The following RYR2 variants were observed in gnomAD, a reference collection of about 807,000 sequenced individuals.
RYR2 encodes ryanodine receptor 2.
A neutral mutation model predicts 601.1 loss-of-function variants in RYR2; 227 were observed. That is an observed-to-expected ratio of 0.38 (90% CI 0.34 to 0.42). The LOEUF (loss-of-function observed/expected upper bound fraction) is 0.42, where lower values mean the gene tolerates loss of function less well. RYR2 is among the 10% of genes least tolerant of loss of function. The probability of loss-of-function intolerance (pLI) is 1.00; values close to 1 mark genes in which losing one functional copy is unlikely to be tolerated. For missense variants in RYR2, 4,646 were observed against 6,156.5 expected, an observed-to-expected ratio of 0.75 and a Z score of 8.21; for synonymous variants, 2,223 against 2,175.1, an observed-to-expected ratio of 1.02 and a Z score of -0.61.
At chr1:237,501,674 A>G (rs1293029881) in intron 21 of RYR2, among the ~76,000 whole-genome samples, 2 of 152,232 alleles carry the variant, frequency 1.3e-5, no homozygotes, top group South Asian at 2.1e-4. Context: ...ATCATATTGA[A>G]GAAGAAACAG....
At chr1:237,617,991 G>C (rs766734610) in intron 38 of RYR2, among the ~76,000 whole-genome samples, 5 of 152,176 alleles carry the variant, frequency 3.3e-5, no homozygotes, top group Non-Finnish European at 5.9e-5. Context: ...CTATATCAGA[G>C]AATGGGCTAG....
In RYR2 at chr1:237,457,639, TGA is replaced by T. The variant is rs1489004862; in HGVS notation, c.1612+906_1612+907del. 3.9e-5 allele frequency among the ~76,000 whole-genome samples: 6 copies of T among 152,220 alleles called. No homozygotes were observed. The East Asian group carries it at 9.7e-4, about 25-fold the overall frequency. Reference sequence around the variant, plus strand: ...AAAGGAATCCTGAGCTCAGGGAGTGTGAGTTAGTTACACTGGACAGAAAGCCT... The same window carrying T: ...AAAGGAATCCTGAGCTCAGGGAGTGTGTTAGTTACACTGGACAGAAAGCCT... On this transcript the variant is annotated intron_variant, in intron 16 of 104. Transcript: ENST00000366574.
chr1:237,798,433 C>T (rs185150354), intron 97 of RYR2, among the ~76,000 whole-genome samples: 2 of 151,764 alleles, frequency 1.3e-5, no homozygotes, highest in South Asian at 2.1e-4. Context: ...ACTTAATTTG[C>T]CTTTTCTGTC....
chr1:237,221,295 A>G (rs552563344), intron 1 of RYR2, among the ~76,000 whole-genome samples: 1 of 152,228 alleles, frequency 6.6e-6, no homozygotes, highest in African/African-American at 2.4e-5. Flanking sequence ...TGAAACACTG[A>G]AACAGCTAAA....
rs2148252279 is a variant in RYR2, at chr1:237,566,644, G to T, written c.3292G>T (p.Ala1098Ser). 4 of 1,614,006 alleles carry T rather than the reference G, an allele frequency of 2.5e-6. No homozygotes were observed. Among genetic ancestry groups the T allele is most frequent in the South Asian group, 1.1e-5 (1 of 91,088 alleles). Residue 1098 changes from alanine to serine, a missense_variant, in exon 28 of 105, where the codon GCC (alanine) becomes TCC (serine). Physicochemically the swap from Ala to Ser is moderately conservative, Grantham distance 99. This residue lies in a region of RYR2 where 1,807 missense variants were observed against 2,088.1 expected (regional missense o/e 0.87). Transcript: ENST00000366574. Reference protein sequence around the residue: ...FRAEKTYAVKAGRWYFEFETV... With the variant: ...FRAEKTYAVKSGRWYFEFETV... ...TGCCGAGAAGACCTATGCAGTGAAG[G>T]CCGGACGGTGGTATTTTGAATTTGA...
At position 237,530,197 on chromosome 1, in the gene RYR2, G is replaced by C. The variant is rs75461516; in HGVS notation, c.2823-230G>C. Among the ~76,000 whole-genome samples, 421 of 152,106 alleles carry C rather than the reference G, an allele frequency of 2.8e-3. 2 individuals carry two copies. The highest frequency in any genetic ancestry group is 0.023 in the East Asian group (116 of 5,136). On this transcript the variant is annotated intron_variant, in intron 24 of 104. Coordinates refer to ENST00000366574, the MANE Select transcript of RYR2 (RefSeq NM_001035.3). ...GTGGTGGCGGGCACCTGTAGTCCTG[G>C]CTACTTGGGAGGTTGAGGCAGGAGA...
chr1:237,043,531 G>A (rs1475401405), intron 1 of RYR2, among the ~76,000 whole-genome samples: 2 of 152,092 alleles, frequency 1.3e-5, no homozygotes, highest in African/African-American at 4.8e-5. Context: ...CCCAGGCTGA[G>A]GCATTGCACA....
intron 1 of RYR2, among the ~76,000 whole-genome samples, chr1:237,224,140 C>T (rs549399525): frequency 6.6e-6 from 1 of 151,982 alleles, no homozygotes; most frequent in African/African-American, 2.4e-5. Flanking sequence ...CTTGGGTCTA[C>T]TTATACGTGG....
At chr1:237,442,864 T>A (rs1215641417) in intron 13 of RYR2, among the ~76,000 whole-genome samples, 1 of 152,216 alleles carries the variant, frequency 6.6e-6, no homozygotes, top group Non-Finnish European at 1.5e-5. Context: ...GGTATTTGTA[T>A]ATAACTCGAA....
At chr1:237,421,099 C>G (rs539746807) in intron 11 of RYR2, among the ~76,000 whole-genome samples, 1 of 152,244 alleles carries the variant, frequency 6.6e-6, no homozygotes, top group East Asian at 1.9e-4. Context: ...GTTAGCCGGG[C>G]GCGGTGGCTG....
chr1:237,577,904 G>A (rs1673446306), intron 29 of RYR2, among the ~76,000 whole-genome samples: 2 of 152,170 alleles, frequency 1.3e-5, no homozygotes, highest in South Asian at 4.1e-4. Flanking sequence ...CCGGGTTCAA[G>A]CAATTCTCCT....
chr1:237,242,802 A>G (rs1686346867), intron 1 of RYR2, among the ~76,000 whole-genome samples: 1 of 152,144 alleles, frequency 6.6e-6, no homozygotes, highest in South Asian at 2.1e-4. Flanking sequence ...GTGTTGATTT[A>G]CTCGAGTTAC....
intron 1 of RYR2, among the ~76,000 whole-genome samples, chr1:237,182,731 ATAATAG>A (rs2148960295): frequency 6.6e-6 from 1 of 152,254 alleles, no homozygotes; most frequent in South Asian, 2.1e-4. Flanking sequence ...AAAATCTATT[ATAATAG>A]TTTTTCTGGT....
rs1688430201 is a variant in RYR2 at position 237,706,935 on chromosome 1, A to G, written c.9581-14A>G. 1.3e-6 allele frequency: 2 copies of G among 1,595,350 alleles called. No individual in the cohort carries two copies. The highest frequency in any genetic ancestry group is 8.6e-7 in the Non-Finnish European group (1 of 1,164,252). On this transcript the variant is annotated splice_polypyrimidine_tract_variant and intron_variant, in intron 67 of 104. Transcript: ENST00000366574. ...TTCTTTGAATATCATCCATTTTTAT[A>G]TGTACTTCTCCAGCTCTCAGTTTGC...
chr1:237,100,247 C>G (rs1407366552), intron 1 of RYR2, among the ~76,000 whole-genome samples: 1 of 152,140 alleles, frequency 6.6e-6, no homozygotes, highest in Non-Finnish European at 1.5e-5. Flanking sequence ...CCTTCCGTCA[C>G]CTACACATTA....
intron 79 of RYR2, among the ~76,000 whole-genome samples, chr1:237,733,993 A>G (rs1293683759): frequency 6.6e-6 from 1 of 152,218 alleles, no homozygotes; most frequent in Admixed American, 6.5e-5. Flanking sequence ...CTGGACATCA[A>G]TATATTGGAG....
intron 1 of RYR2, among the ~76,000 whole-genome samples, chr1:237,208,980 ATATATG>A (rs1452713657): frequency 1.4e-4 from 16 of 116,618 alleles, no homozygotes; most frequent in Admixed American, 1.1e-3. Flanking sequence ...ATATATATAT[ATATATG>A]TATACTGTAA....
chr1:237,341,065 C>T (rs904867146), intron 3 of RYR2, among the ~76,000 whole-genome samples: 3 of 152,130 alleles, frequency 2.0e-5, no homozygotes, highest in South Asian at 2.1e-4. Context: ...TCAATAAAGA[C>T]GTCAATTTAA....
chr1:237,616,637 G>A (rs964824757), intron 37 of RYR2, among the ~76,000 whole-genome samples: 2 of 151,410 alleles, frequency 1.3e-5, no homozygotes, highest in African/African-American at 4.8e-5. Flanking sequence ...TTTCCCAGAA[G>A]ACCCTTAGCA....
Sources: gnomAD v4.1 joint callset for allele counts (sites outside exome capture counted in the v4.1 genomes callset) on GRCh38, gnomAD v4.1.1 for gene constraint, gnomAD v4.1.1 regional missense constraint, MANE v1.5 for transcripts, NCBI Gene and HGNC (gene_info 2026-07-23, HGNC 2026-07-21) for gene names.